RAP1A: variants seen among roughly 807,000 people sequenced by gnomAD.
The protein encoded by RAP1A is RAP1A, member of RAS oncogene family, also known as ras-related protein Rap-1A.
Under a neutral mutation model 26.4 loss-of-function variants are expected in RAP1A, and 6 were observed. The observed-to-expected ratio is 0.23, with a 90% CI of 0.12 to 0.45. The LOEUF (loss-of-function observed/expected upper bound fraction) is 0.45, where lower values mean the gene tolerates loss of function less well. Among genes scored for constraint, RAP1A ranks in the 20% least tolerant of loss-of-function variants. The pLI is 0.99. For synonymous variants in RAP1A, 73 were observed against 79.4 expected, an observed-to-expected ratio of 0.92 and a Z score of 0.43; for missense variants, 121 against 217.2, an observed-to-expected ratio of 0.56 and a Z score of 2.78.
At chr1:111,599,010 A>T (rs1012616546) in intron 1 of RAP1A, among the ~76,000 whole-genome samples, 3 of 152,082 alleles carry the variant, frequency 2.0e-5, no homozygotes, top group Non-Finnish European at 4.4e-5. Context: ...AAAGGATATT[A>T]CCAAGCATAC....
chr1:111,659,991 G>A (rs1660581116), intron 1 of RAP1A, among the ~76,000 whole-genome samples: 1 of 152,166 alleles, frequency 6.6e-6, no homozygotes. Context: ...TGAACAAACT[G>A]TATATGTTTA....
At chr1:111,555,771 T>C (rs1324149491) in intron 1 of RAP1A, among the ~76,000 whole-genome samples, 1 of 152,036 alleles carries the variant, frequency 6.6e-6, no homozygotes, top group Non-Finnish European at 1.5e-5. Context: ...TCAAAATGGG[T>C]TAAAGGCCTA....
intron 1 of RAP1A, among the ~76,000 whole-genome samples, chr1:111,558,950 C>T (rs749071872): frequency 4.6e-5 from 7 of 152,058 alleles, no homozygotes; most frequent in Non-Finnish European, 7.4e-5. Flanking sequence ...TTATAAAAAT[C>T]AAGCATATAT....
rs919951902 is a variant in RAP1A at position 111,619,811 on chromosome 1, C to T, written c.-151C>T. 3.1e-4 allele frequency: 125 copies of T among 399,452 alleles called. No homozygotes were observed. Among genetic ancestry groups the T allele is most frequent in the African/African-American group, 2.2e-3 (109 of 48,634 alleles). The allele number at this position is 399,452 out of a possible 1,614,324, so 24.7% of individuals were successfully genotyped here. ...GCCGCCGCCGCTCCCGAGGCCCCTGCCGCCGCCGCTCCCGCTGCTGTCGCC... is the reference window on the plus strand; with the variant it reads ...GCCGCCGCCGCTCCCGAGGCCCCTGTCGCCGCCGCTCCCGCTGCTGTCGCC... On this transcript the variant is annotated 5_prime_UTR_variant, in exon 1 of 8. Transcript: ENST00000369709.
chr1:111,648,571 G>A, intron 1 of RAP1A: 1 of 546,198 alleles, frequency 1.8e-6, no homozygotes, highest in Non-Finnish European at 3.5e-6. Flanking sequence ...ATCCCGTTTA[G>A]CTGCTCCATC....
In RAP1A at chr1:111,700,492, A is replaced by G. The variant is rs550537737; in HGVS notation, c.184-2844A>G. Among the ~76,000 whole-genome samples the G allele has an allele frequency of 8.5e-4, 130 of 152,304 alleles. No homozygotes were observed. The Middle Eastern group carries it at 0.01, about 12-fold the overall frequency. ...TTGTGAGGATAGCACCAAGCTATTCATGAGGGATCCACCTCCATGACCCAA... is the reference window on the plus strand; with the variant it reads ...TTGTGAGGATAGCACCAAGCTATTCGTGAGGGATCCACCTCCATGACCCAA... On this transcript the variant is annotated intron_variant, in intron 4 of 7. Transcript: ENST00000369709.
intron 1 of RAP1A, among the ~76,000 whole-genome samples, chr1:111,562,281 G>T (rs1410721587): frequency 6.6e-6 from 1 of 152,120 alleles, no homozygotes; most frequent in East Asian, 1.9e-4. Flanking sequence ...CAGCACTTCA[G>T]TATTTCAATA....
chr1:111,583,111 A>G (rs1571482834), intron 1 of RAP1A, among the ~76,000 whole-genome samples: 1 of 152,298 alleles, frequency 6.6e-6, no homozygotes, highest in Non-Finnish European at 1.5e-5. Flanking sequence ...AGAGGCTGAC[A>G]GGCACAGATC....
At chr1:111,692,786 T>G (rs12064679) in intron 2 of RAP1A, among the ~76,000 whole-genome samples, 9,289 of 152,238 alleles carry the variant, frequency 0.061, 298 homozygotes, top group South Asian at 0.087. Flanking sequence ...TAAAAAAATG[T>G]AGGCTGAGGG....
intron 1 of RAP1A, among the ~76,000 whole-genome samples, chr1:111,614,228 T>G (rs1429011741): frequency 6.6e-6 from 1 of 152,218 alleles, no homozygotes; most frequent in Admixed American, 6.5e-5. Context: ...AATACGTACT[T>G]TAATGTCATC....
intron 1 of RAP1A, among the ~76,000 whole-genome samples, chr1:111,554,959 G>A (rs1450333194): frequency 5.9e-5 from 9 of 152,064 alleles, no homozygotes; most frequent in African/African-American, 2.2e-4. Context: ...GTGACCTACC[G>A]AGACTTTAAA....
At chr1:111,706,978 A>G (rs1465039553) in intron 6 of RAP1A, among the ~76,000 whole-genome samples, 2 of 152,228 alleles carry the variant, frequency 1.3e-5, no homozygotes, top group African/African-American at 4.8e-5. Flanking sequence ...TAGGGAACTA[A>G]TGAAAACTCA....
At chr1:111,648,858 T>C in intron 1 of RAP1A, 1 of 765,482 alleles carries the variant, frequency 1.3e-6, no homozygotes, top group East Asian at 2.6e-5. Context: ...GTCCTGAGAT[T>C]TGGGGGCATC....
At chr1:111,591,999 C>T (rs1269665252) in intron 1 of RAP1A, among the ~76,000 whole-genome samples, 1 of 152,176 alleles carries the variant, frequency 6.6e-6, no homozygotes, top group Non-Finnish European at 1.5e-5. Context: ...CTATCCCACG[C>T]CCCAGCTCTG....
chr1:111,703,833 GGT>G (rs1339104906), intron 5 of RAP1A, among the ~76,000 whole-genome samples: 1 of 152,132 alleles, frequency 6.6e-6, no homozygotes, highest in Admixed American at 6.5e-5. Flanking sequence ...GATCCATAGT[GGT>G]GTGTTTTTAT....
At chr1:111,650,897 G>A (rs1286735872) in intron 1 of RAP1A, among the ~76,000 whole-genome samples, 1 of 151,950 alleles carries the variant, frequency 6.6e-6, no homozygotes, top group Non-Finnish European at 1.5e-5. Flanking sequence ...CGCCTCCCAG[G>A]TTCACACCAT....
At chr1:111,708,402 C>A (rs1420597223) in intron 6 of RAP1A, among the ~76,000 whole-genome samples, 1 of 152,158 alleles carries the variant, frequency 6.6e-6, no homozygotes. Context: ...CTCAGATAAA[C>A]CCAAATCAAG....
intron 1 of RAP1A, among the ~76,000 whole-genome samples, chr1:111,662,551 G>A (rs1236173923): frequency 6.6e-6 from 1 of 152,072 alleles, no homozygotes. Context: ...TAGCACTTAC[G>A]AGGATAGGAA....
At chr1:111,709,299 A>G in intron 7 of RAP1A, 35 bp downstream of exon 7, 3 of 1,534,178 alleles carry the variant, frequency 2.0e-6, no homozygotes, top group East Asian at 2.3e-5. Flanking sequence ...TGCCTTTCTC[A>G]TGCTCCTATT....
Sources: gnomAD v4.1 joint callset for allele counts (sites outside exome capture counted in the v4.1 genomes callset) on GRCh38, gnomAD v4.1.1 for gene constraint, MANE v1.5 for transcripts, NCBI Gene and HGNC (gene_info 2026-07-23, HGNC 2026-07-21) for gene names.